Variants in TMPRSS9 observed in about 807,000 individuals in gnomAD.
TMPRSS9 encodes the protein transmembrane protease serine 9.
In TMPRSS9, 113 loss-of-function variants were observed where a neutral mutation model predicts 111.4. That is an observed-to-expected ratio of 1.01 (90% CI 0.87 to 1.19). The LOEUF (loss-of-function observed/expected upper bound fraction) is 1.19, where lower values mean the gene tolerates loss of function less well. Ranked by LOEUF, TMPRSS9 falls within the 50% of genes most tolerant of loss-of-function variation. The probability of loss-of-function intolerance (pLI) is 0.00; values close to 1 mark genes in which losing one functional copy is unlikely to be tolerated. For synonymous variants in TMPRSS9, 805 were observed against 659.1 expected, an observed-to-expected ratio of 1.22 and a Z score of -3.39; for missense variants, 1,803 against 1,513.1, an observed-to-expected ratio of 1.19 and a Z score of -3.18.
exon 14 of TMPRSS9, chr19:2,422,008 C>T (rs1334977651): frequency 1.2e-6 from 2 of 1,612,992 alleles, no homozygotes; most frequent in African/African-American, 1.3e-5. Context: ...GAGATCATGT[C>T]CTCCCAGCCC....
At chr19:2,404,784 TAGCC>T (rs1324261789) in intron 6 of TMPRSS9, among the ~76,000 whole-genome samples, 3 of 150,806 alleles carry the variant, frequency 2.0e-5, no homozygotes, top group African/African-American at 7.3e-5. Flanking sequence ...TACAAAAAAT[TAGCC>T]AGGTGTGGTG....
At chr19:2,379,465 A>G (rs140152353) in intron 1 of TMPRSS9, among the ~76,000 whole-genome samples, 16,039 of 151,844 alleles carry the variant, frequency 0.11, 1,661 homozygotes, top group African/African-American at 0.27. Flanking sequence ...GATTACAGGC[A>G]TGAGCCACCG....
At chr19:2,362,928 TGGTTGTGTGTTGTGTGTGTGTTGTGTGA>T (rs1198832103) in intron 1 of TMPRSS9, among the ~76,000 whole-genome samples, 8 of 150,762 alleles carry the variant, frequency 5.3e-5, no homozygotes, top group Admixed American at 4.0e-4. Context: ...GTGTTGTGTG[TGGTTGTGTGTTGTGTGTGTGTTGTGTGA>T]GGTTGTGGTT....
chr19:2,417,610 T>C (rs1340352451), intron 12 of TMPRSS9, among the ~76,000 whole-genome samples: 1 of 152,130 alleles, frequency 6.6e-6, no homozygotes, highest in African/African-American at 2.4e-5. Flanking sequence ...ATCATGCCAC[T>C]GCACTCCAGC....
chr19:2,415,352 G>A (rs1041200977), intron 10 of TMPRSS9, among the ~76,000 whole-genome samples: 20 of 152,098 alleles, frequency 1.3e-4, no homozygotes, highest in South Asian at 4.1e-4. Flanking sequence ...GTGCAGCCCC[G>A]TCTTTGCAAG....
chr19:2,392,073 G>C (rs1970610293), intron 1 of TMPRSS9, among the ~76,000 whole-genome samples: 1 of 152,060 alleles, frequency 6.6e-6, no homozygotes, highest in African/African-American at 2.4e-5. Context: ...TTAAGGCCAA[G>C]TGTGGTGGCT....
intron 1 of TMPRSS9, among the ~76,000 whole-genome samples, chr19:2,395,803 A>T (rs141789693): frequency 8.3e-4 from 127 of 152,228 alleles, no homozygotes; most frequent in African/African-American, 2.8e-3. Context: ...GTCAGGAGAT[A>T]GAGACCATCC....
exon 10 of TMPRSS9, chr19:2,413,980 C>T: frequency 4.4e-6 from 7 of 1,607,458 alleles, no homozygotes; most frequent in South Asian, 1.1e-5. Context: ...GCCCTCAGTA[C>T]CGTGCCTCTT....
intron 1 of TMPRSS9, among the ~76,000 whole-genome samples, chr19:2,377,661 C>T (rs1448255666): frequency 5.8e-4 from 1 of 1,712 alleles, no homozygotes. Flanking sequence ...CTCTCCCCTC[C>T]CCCTCCCTCT....
At chr19:2,365,057 G>A (rs952760821) in intron 1 of TMPRSS9, among the ~76,000 whole-genome samples, 4 of 151,696 alleles carry the variant, frequency 2.6e-5, no homozygotes, top group East Asian at 3.9e-4. Flanking sequence ...TCTGTTCTAC[G>A]TTGCAATCCA....
In TMPRSS9 at chr19:2,418,373, C is replaced by T. The variant is rs1193904770; in HGVS notation, c.2154+235C>T. ...TCCCTCCCTCCCTCCCTTCCCTTCC[C>T]TCCCTCCCTTTCCTTCCCTCCCTGG... is the stretch of plus-strand genomic sequence containing the variant. On this transcript the variant is annotated intron_variant, in intron 13 of 17. Coordinates refer to ENST00000648592, the Ensembl canonical transcript of TMPRSS9. 1.2e-4 allele frequency among the ~76,000 whole-genome samples: 7 copies of T among 56,474 alleles called. 1 individual carries two copies. Among genetic ancestry groups the T allele is most frequent in the African/African-American group, 3.4e-4 (4 of 11,910 alleles). 37.0% of individuals were successfully genotyped at this position (56,474 alleles called of 152,430 possible). A position where few individuals can be genotyped will look rare whatever the true frequency, so the allele number is the denominator to read the frequency against.
At chr19:2,416,919 A>AG in intron 12 of TMPRSS9, 110 bp downstream of exon 13, 1 of 1,344,028 alleles carries the variant, frequency 7.4e-7, no homozygotes, top group Non-Finnish European at 9.9e-7. Context: ...TCCACTGCAC[A>AG]GGGACCTCTG....
rs1310893916 is a variant in TMPRSS9 at position 2,424,504 on chromosome 19, C to T, written c.2717+247C>T. ...GGGGCTGCGAAGGCCGAGTCCTACCCCGCGGTCCCCACCTAACCCGGAAGC... is the reference window on the plus strand; with the variant it reads ...GGGGCTGCGAAGGCCGAGTCCTACCTCGCGGTCCCCACCTAACCCGGAAGC... On this transcript the variant is annotated intron_variant, in intron 15 of 17. Coordinates refer to ENST00000648592, the Ensembl canonical transcript of TMPRSS9. 3.3e-4 allele frequency among the ~76,000 whole-genome samples: 49 copies of T among 150,738 alleles called. 2 individuals carry two copies. The highest frequency in any genetic ancestry group is 3.2e-3 in the Admixed American group (49 of 15,164).
intron 14 of TMPRSS9, among the ~76,000 whole-genome samples, chr19:2,423,097 G>A (rs1322198184): frequency 6.6e-6 from 1 of 151,776 alleles, no homozygotes. Flanking sequence ...GGACTTTGAT[G>A]GTTCACAGCT....
At chr19:2,385,182 G>A (rs1465452227), upstream of TMPRSS9, among the ~76,000 whole-genome samples, 103 of 119,466 alleles carry the variant, frequency 8.6e-4, 2 homozygotes, top group African/African-American at 4.5e-3. Context: ...CGGGGGGCGG[G>A]GCTCGCGGGG....
chr19:2,423,338 T>C (rs1183261000), intron 14 of TMPRSS9, among the ~76,000 whole-genome samples: 1 of 151,926 alleles, frequency 6.6e-6, no homozygotes, highest in Non-Finnish European at 1.5e-5. Flanking sequence ...CGGCTGCGGC[T>C]GCTGTCAGAT....
exon 1 of TMPRSS9, chr19:2,389,876 A>G: frequency 6.2e-7 from 1 of 1,613,822 alleles, no homozygotes; most frequent in Non-Finnish European, 8.5e-7. Flanking sequence ...AGCGGCCAGC[A>G]TTGGCGTGGT....
intron 14 of TMPRSS9, 58 bp from the exon 16 acceptor site, chr19:2,424,031 G>T: frequency 8.0e-7 from 1 of 1,245,612 alleles, no homozygotes; most frequent in Non-Finnish European, 1.0e-6. Context: ...CGCCCAGGGG[G>T]GCCTTCGTGG....
intron 6 of TMPRSS9, 85 bp from the exon 8 acceptor site, chr19:2,405,289 G>C (rs1425679195): frequency 6.8e-7 from 1 of 1,474,280 alleles, no homozygotes; most frequent in African/African-American, 1.5e-5. Flanking sequence ...GACTGTAGAC[G>C]AGAGACTCAG....
Sources: gnomAD v4.1 joint callset for allele counts (sites outside exome capture counted in the v4.1 genomes callset) on GRCh38, gnomAD v4.1.1 for gene constraint, MANE v1.5 for transcripts, NCBI Gene and HGNC (gene_info 2026-07-23, HGNC 2026-07-21) for gene names.